Variants in C1QTNF3 observed in about 807,000 individuals in gnomAD.
The protein encoded by C1QTNF3 is C1q and TNF related 3.
C1QTNF3 carries 26 observed loss-of-function variants against 32.6 expected under a neutral mutation model. The observed-to-expected ratio is 0.80, with a 90% CI of 0.58 to 1.11. The LOEUF is 1.11. C1QTNF3 is among the 50% of genes least tolerant of loss of function. C1QTNF3 has a pLI of 0.00. For missense variants in C1QTNF3, 362 were observed against 398.2 expected, an observed-to-expected ratio of 0.91 and a Z score of 0.77; for synonymous variants, 155 against 146.0, an observed-to-expected ratio of 1.06 and a Z score of -0.44.
the C1QTNF3 span, among the ~76,000 whole-genome samples, chr5:34,094,456 T>C: frequency 3.3e-5 from 5 of 151,966 alleles, no homozygotes; most frequent in Admixed American, 1.3e-4. Flanking sequence ...ATAATTAAAA[T>C]AGAGCAAGTC....
chr5:34,022,739 T>A (rs1754366274), intron 5 of C1QTNF3, among the ~76,000 whole-genome samples: 1 of 152,232 alleles, frequency 6.6e-6, no homozygotes, highest in Non-Finnish European at 1.5e-5. Context: ...GAATTCCTGA[T>A]CCATAAATAT....
the C1QTNF3 span, among the ~76,000 whole-genome samples, chr5:34,077,317 G>C: frequency 4.0e-5 from 6 of 151,562 alleles, no homozygotes; most frequent in Non-Finnish European, 7.4e-5. Flanking sequence ...AATTCTGTAA[G>C]CCAAATGACA....
the C1QTNF3 span, among the ~76,000 whole-genome samples, chr5:34,228,786 A>C: frequency 6.6e-6 from 1 of 151,846 alleles, no homozygotes; most frequent in South Asian, 2.1e-4. Flanking sequence ...TTTATGCTTA[A>C]GGTTACATTT....
chr5:34,177,977 A>G, the C1QTNF3 span, among the ~76,000 whole-genome samples: 16 of 151,928 alleles, frequency 1.1e-4, no homozygotes, highest in Non-Finnish European at 4.4e-5. Context: ...TTAAGAATTC[A>G]GAACGGGGGC....
the C1QTNF3 span, among the ~76,000 whole-genome samples, chr5:34,225,243 C>A: frequency 6.6e-6 from 1 of 151,682 alleles, no homozygotes; most frequent in African/African-American, 2.4e-5. Context: ...TAGCTGTATC[C>A]AACATGAAAA....
At chr5:34,209,868 A>C in the C1QTNF3 span, among the ~76,000 whole-genome samples, 1 of 152,244 alleles carries the variant, frequency 6.6e-6, no homozygotes, top group African/African-American at 2.4e-5. Context: ...AACGATTTTA[A>C]ACAAAACCTT....
At chr5:34,124,262 A>C in the C1QTNF3 span, 1 of 500,792 alleles carries the variant, frequency 2.0e-6, no homozygotes, top group African/African-American at 2.0e-5. Context: ...AACTTTTTAG[A>C]TTTATTTTTA....
At chr5:34,059,917 C>T in the C1QTNF3 span, among the ~76,000 whole-genome samples, 1 of 152,216 alleles carries the variant, frequency 6.6e-6, no homozygotes, top group Admixed American at 6.5e-5. Context: ...ACAACCACCA[C>T]TGCTCTGGGC....
the C1QTNF3 span, among the ~76,000 whole-genome samples, chr5:34,211,387 T>G: frequency 6.6e-6 from 1 of 152,066 alleles, no homozygotes; most frequent in Admixed American, 6.6e-5. Context: ...CCTGAATGTG[T>G]GTATACCCCC....
chr5:34,114,756 T>G, the C1QTNF3 span, among the ~76,000 whole-genome samples: 1 of 152,170 alleles, frequency 6.6e-6, no homozygotes, highest in African/African-American at 2.4e-5. Flanking sequence ...CTGCACTTTG[T>G]GAGCAACGTA....
At chr5:34,139,409 T>G in the C1QTNF3 span, among the ~76,000 whole-genome samples, 1 of 152,168 alleles carries the variant, frequency 6.6e-6, no homozygotes, top group Non-Finnish European at 1.5e-5. Flanking sequence ...TTCATCACCC[T>G]ATCCTCCCTT....
At chr5:34,145,019 C>A in the C1QTNF3 span, among the ~76,000 whole-genome samples, 1 of 152,046 alleles carries the variant, frequency 6.6e-6, no homozygotes, top group East Asian at 1.9e-4. Flanking sequence ...ATCCAAGCTA[C>A]TCGGGAGGCT....
chr5:34,242,422 A>C, the C1QTNF3 span, among the ~76,000 whole-genome samples: 1 of 152,204 alleles, frequency 6.6e-6, no homozygotes, highest in Non-Finnish European at 1.5e-5. Flanking sequence ...AAGGCACCCT[A>C]TTCAATAAAT....
chr5:34,214,754 G>A, the C1QTNF3 span, among the ~76,000 whole-genome samples: 6 of 152,056 alleles, frequency 3.9e-5, no homozygotes, highest in South Asian at 6.2e-4. Flanking sequence ...CATCTCTAAC[G>A]TAAAAAGACC....
At chr5:34,092,335 T>C in the C1QTNF3 span, among the ~76,000 whole-genome samples, 3 of 151,862 alleles carry the variant, frequency 2.0e-5, no homozygotes, top group Admixed American at 2.0e-4. Flanking sequence ...TGGATGCTAC[T>C]CAAATTTTAC....
the C1QTNF3 span, among the ~76,000 whole-genome samples, chr5:34,154,709 T>C: frequency 6.6e-6 from 1 of 152,118 alleles, no homozygotes; most frequent in African/African-American, 2.4e-5. Context: ...AGCTGCAAAT[T>C]TGTATCATCT....
intron 3 of C1QTNF3, among the ~76,000 whole-genome samples, chr5:34,029,396 T>G (rs1754556999): frequency 6.6e-6 from 1 of 152,110 alleles, no homozygotes; most frequent in Non-Finnish European, 1.5e-5. Context: ...TTCCTCGGCC[T>G]CCCAAAGTGC....
the C1QTNF3 span, among the ~76,000 whole-genome samples, chr5:34,196,861 C>T: frequency 6.6e-6 from 1 of 152,288 alleles, no homozygotes; most frequent in African/African-American, 2.4e-5. Flanking sequence ...GGGGTTTCAC[C>T]GTCTTAGTAA....
the C1QTNF3 span, among the ~76,000 whole-genome samples, chr5:34,223,065 A>G: frequency 7.9e-5 from 12 of 151,806 alleles, no homozygotes; most frequent in Non-Finnish European, 1.8e-4. Context: ...CATGTGCACA[A>G]TGTGCAGGTT....
Sources: allele counts gnomAD v4.1 joint callset (sites outside exome capture counted in the v4.1 genomes callset), GRCh38; gene constraint gnomAD v4.1.1; transcripts MANE v1.5; gene names NCBI Gene and HGNC (gene_info 2026-07-23, HGNC 2026-07-21).